The following CSGALNACT1 variants were observed in gnomAD, a reference collection of about 807,000 sequenced individuals.
CSGALNACT1 encodes the protein beta4GalNAcT-1.
CSGALNACT1 carries 52 observed loss-of-function variants against 51.0 expected under a neutral mutation model. The ratio of observed to expected loss-of-function variants is 1.02; its 90% CI spans 0.82 to 1.29. The LOEUF is 1.29. Ranked by LOEUF, CSGALNACT1 falls within the 50% of genes most tolerant of loss-of-function variation. The pLI is 0.00. For missense variants in CSGALNACT1, 935 were observed against 679.2 expected (o/e 1.38, Z -4.19); for synonymous variants, 341 against 254.4 (o/e 1.34, Z -3.24).
At chr8:19,731,523 T>A (rs945040097) in intron 1 of CSGALNACT1, among the ~76,000 whole-genome samples, 2 of 151,962 alleles carry the variant, frequency 1.3e-5, no homozygotes, top group East Asian at 3.9e-4. Context: ...TAAATAAATA[T>A]GGCTGTTTAC....
At chr8:19,641,450 G>C (rs1017930064) in intron 1 of CSGALNACT1, among the ~76,000 whole-genome samples, 4 of 152,138 alleles carry the variant, frequency 2.6e-5, no homozygotes, top group African/African-American at 9.7e-5. Flanking sequence ...TCATTTTGGA[G>C]CTCTTCAAAT....
intron 4 of CSGALNACT1, among the ~76,000 whole-genome samples, chr8:19,471,766 G>C (rs1250746491): frequency 6.6e-6 from 1 of 152,206 alleles, no homozygotes; most frequent in Admixed American, 6.5e-5. Flanking sequence ...CAAGGCTGAA[G>C]TGAGAAAACT....
At chr8:19,582,361 A>G (rs7839912) in intron 3 of CSGALNACT1, among the ~76,000 whole-genome samples, 1 of 152,210 alleles carries the variant, frequency 6.6e-6, no homozygotes, top group Non-Finnish European at 1.5e-5. Context: ...TACAATGTAC[A>G]TTAGCAAAAC....
chr8:19,556,479 G>A (rs75268856), intron 3 of CSGALNACT1, among the ~76,000 whole-genome samples: 3,101 of 152,174 alleles, frequency 0.02, 93 homozygotes, highest in African/African-American at 0.063. Context: ...ATGACAATCA[G>A]TGATAATGAA....
In CSGALNACT1 at chr8:19,609,326, C is replaced by A. The variant is rs571169799; in HGVS notation, c.-543-7461G>T. Reference sequence around the variant, plus strand: ...ATGGATATTGCCCTCAGGGATCCTACAATTGCTGTATATTATTTGCTATGC... The same window carrying A: ...ATGGATATTGCCCTCAGGGATCCTAAAATTGCTGTATATTATTTGCTATGC... On this transcript the variant is annotated intron_variant, in intron 1 of 9. Transcript: ENST00000332246. 1.7e-4 allele frequency among the ~76,000 whole-genome samples: 25 copies of A among 147,756 alleles called. 1 individual carries two copies. The highest frequency in any genetic ancestry group is 3.4e-4 in the Non-Finnish European group (23 of 67,262).
chr8:19,607,025 G>C (rs1182718291), upstream of CSGALNACT1, among the ~76,000 whole-genome samples: 1 of 152,058 alleles, frequency 6.6e-6, no homozygotes, highest in African/African-American at 2.4e-5. Context: ...CATGGTGGCA[G>C]GCGCCTGTAG....
Position 19,528,311 on chromosome 8 carries a change from A to C in CSGALNACT1, c.-296-22181T>G, listed in dbSNP as rs139582650. ...AAAAAGCAAGCAGCCCTTGATATTCAGAAGCTTGCCTGACAGTCACGGCAA... is the reference window on the plus strand; with the variant it reads ...AAAAAGCAAGCAGCCCTTGATATTCCGAAGCTTGCCTGACAGTCACGGCAA... On this transcript the variant is annotated intron_variant, in intron 3 of 9. Transcript: ENST00000454498. 1.1e-4 allele frequency among the ~76,000 whole-genome samples: 17 copies of C among 152,184 alleles called. 1 individual carries two copies. The South Asian group carries it at 2.1e-3, about 19-fold the overall frequency.
chr8:19,753,895 T>C (rs12545396), intron 1 of CSGALNACT1, among the ~76,000 whole-genome samples: 36,412 of 152,186 alleles, frequency 0.24, 4,483 homozygotes, highest in Middle Eastern at 0.34. Flanking sequence ...GTTCAATAAA[T>C]ATTCTCAAGC....
At position 19,653,622 on chromosome 8, in the gene CSGALNACT1, C is replaced by A. The variant is rs576641018; in HGVS notation, c.-544+28851G>T. On this transcript the variant is annotated intron_variant, in intron 1 of 9. Coordinates refer to the CSGALNACT1 transcript ENST00000332246. ...CAGTCTGGGCAACATGGTGAGATCC[C>A]ATTTCTACAAAAAGTTAAAAAAATT... Among the ~76,000 whole-genome samples, 10 of 152,110 alleles carry A rather than the reference C, an allele frequency of 6.6e-5. No individual in the cohort carries two copies. In the East Asian group the frequency reaches 9.7e-4, roughly 15 times the overall value.
intron 3 of CSGALNACT1, among the ~76,000 whole-genome samples, chr8:19,572,631 C>T (rs1267434113): frequency 6.6e-6 from 1 of 152,182 alleles, no homozygotes; most frequent in Admixed American, 6.5e-5. Flanking sequence ...ATTCTATCTA[C>T]CCACCTGCAA....
chr8:19,599,517 AAAGAAAGAAAAG>A (rs1434532912), intron 2 of CSGALNACT1, among the ~76,000 whole-genome samples: 2 of 148,048 alleles, frequency 1.4e-5, no homozygotes, highest in African/African-American at 5.0e-5. Context: ...AGAAAGAAAG[AAAGAAAGAAAAG>A]AAAGAAAAAG....
At position 19,418,679 on chromosome 8, in the gene CSGALNACT1, C is replaced by A. The variant is rs759949886; in HGVS notation, c.1204G>T (p.Val402Phe). 5 of 1,612,828 alleles carry A rather than the reference C, an allele frequency of 3.1e-6. No homozygotes were observed. The East Asian group carries it at 6.7e-5, about 22-fold the overall frequency. The change falls in exon 8 of 10, where the codon GTC (valine) becomes TTC (phenylalanine). Residue 402 changes from valine (V) to phenylalanine (F), a missense_variant. Val to Phe is a conservative substitution (Grantham distance 50). Coordinates refer to ENST00000454498, the Ensembl canonical transcript of CSGALNACT1. ...ACCAGCTGCTGTTCCAAGGGAGGGACTGCATCATGGTGGCCGTATATTATG... is the reference window on the plus strand; with the variant it reads ...ACCAGCTGCTGTTCCAAGGGAGGGAATGCATCATGGTGGCCGTATATTATG...
chr8:19,711,170 A>T (rs1029299584), intron 1 of CSGALNACT1, among the ~76,000 whole-genome samples: 2 of 152,212 alleles, frequency 1.3e-5, no homozygotes, highest in Non-Finnish European at 2.9e-5. Context: ...TCCTTTTGCT[A>T]AGTCAGGCCC....
intron 3 of CSGALNACT1, among the ~76,000 whole-genome samples, chr8:19,509,165 G>T (rs111313077): frequency 4.5e-4 from 69 of 152,158 alleles, no homozygotes; most frequent in African/African-American, 1.6e-3. Context: ...TCTCTGAACC[G>T]TTCCAGCAAT....
intron 1 of CSGALNACT1, among the ~76,000 whole-genome samples, chr8:19,719,163 C>T (rs1274511501): frequency 1.3e-5 from 2 of 152,210 alleles, no homozygotes; most frequent in African/African-American, 4.8e-5. Flanking sequence ...ACTTATACTT[C>T]AACCCTGGCT....
intron 3 of CSGALNACT1, among the ~76,000 whole-genome samples, chr8:19,585,770 T>G (rs1410063771): frequency 6.6e-6 from 1 of 152,174 alleles, no homozygotes; most frequent in African/African-American, 2.4e-5. Flanking sequence ...AAGCTTCAAT[T>G]CAACCTCCAT....
intron 1 of CSGALNACT1, among the ~76,000 whole-genome samples, chr8:19,712,697 C>T (rs1487893621): frequency 1.3e-5 from 2 of 152,132 alleles, no homozygotes; most frequent in African/African-American, 4.8e-5. Flanking sequence ...GCCTTCCTGG[C>T]CAAAACAGCA....
At chr8:19,426,376 T>C (rs2058777759) in intron 6 of CSGALNACT1, among the ~76,000 whole-genome samples, 1 of 152,076 alleles carries the variant, frequency 6.6e-6, no homozygotes, top group Admixed American at 6.5e-5. Flanking sequence ...AGATGAAAAA[T>C]ATGTAAATAA....
At chr8:19,562,737 C>G (rs1446675344) in intron 3 of CSGALNACT1, among the ~76,000 whole-genome samples, 1 of 152,160 alleles carries the variant, frequency 6.6e-6, no homozygotes. Context: ...GAGATACCAC[C>G]TCATGCCAGT....
Sources: gnomAD v4.1 joint callset for allele counts (sites outside exome capture counted in the v4.1 genomes callset) on GRCh38, gnomAD v4.1.1 for gene constraint, MANE v1.5 for transcripts, NCBI Gene and HGNC (gene_info 2026-07-23, HGNC 2026-07-21) for gene names.